Variants in ADAM9 observed in about 807,000 individuals in gnomAD.
ADAM9 encodes the protein ADAM metallopeptidase domain 9.
Under a neutral mutation model 108.1 loss-of-function variants are expected in ADAM9, and 54 were observed. The ratio of observed to expected loss-of-function variants is 0.50; its 90% CI spans 0.40 to 0.63. The LOEUF is 0.63. Ranked by LOEUF, ADAM9 falls within the 20% of genes least tolerant of loss-of-function variation. The pLI is 0.00. For synonymous variants in ADAM9, 316 were observed against 336.0 expected, an observed-to-expected ratio of 0.94 and a Z score of 0.65; for missense variants, 830 against 997.7, an observed-to-expected ratio of 0.83 and a Z score of 2.26.
At chr8:39,090,995 A>G (rs1376128540) in intron 19 of ADAM9, among the ~76,000 whole-genome samples, 2 of 152,222 alleles carry the variant, frequency 1.3e-5, no homozygotes, top group African/African-American at 4.8e-5. Flanking sequence ...GTTAGGGAAC[A>G]TTGGCCTAAT....
intron 12 of ADAM9, among the ~76,000 whole-genome samples, chr8:39,042,712 C>A (rs750797563): frequency 6.6e-6 from 1 of 152,080 alleles, no homozygotes; most frequent in Non-Finnish European, 1.5e-5. Context: ...ACAGTAGGTA[C>A]ATTTATAAAT....
chr8:39,044,171 A>G (rs1837539122), intron 12 of ADAM9, among the ~76,000 whole-genome samples: 1 of 152,192 alleles, frequency 6.6e-6, no homozygotes, highest in Non-Finnish European at 1.5e-5. Context: ...GCCAAGACCA[A>G]TGTCATGAAG....
intron 6 of ADAM9, among the ~76,000 whole-genome samples, chr8:39,018,335 C>T (rs1010615425): frequency 2.0e-5 from 3 of 152,166 alleles, no homozygotes; most frequent in Admixed American, 6.5e-5. Context: ...TATTCTACTT[C>T]GCATGAATTT....
At position 39,091,241 on chromosome 8, in the gene ADAM9, A is replaced by C; in HGVS notation, c.2211-18A>C. ...TGTTTTTATCTTAATTTAGATCAAA[A>C]GTAATTGTATCTTTCAGGTCAGATG... is the stretch of plus-strand genomic sequence containing the variant. On this transcript the variant is annotated intron_variant, in intron 19 of 21. Coordinates refer to ENST00000487273, the MANE Select transcript of ADAM9 (RefSeq NM_003816.3). 6.2e-7 allele frequency: 1 copy of C among 1,608,326 alleles called. No individual in the cohort carries two copies. The highest frequency in any genetic ancestry group is 1.1e-5 in the South Asian group (1 of 90,956).
chr8:39,056,054 A>C (rs1156289120), intron 14 of ADAM9, among the ~76,000 whole-genome samples: 2 of 152,114 alleles, frequency 1.3e-5, no homozygotes, highest in African/African-American at 4.8e-5. Flanking sequence ...AATTGTGCAC[A>C]AGGATCTGCT....
Position 39,082,728 on chromosome 8 carries a change from A to G in ADAM9, c.1962+7A>G. On this transcript the variant is annotated splice_region_variant and intron_variant, in intron 17 of 21. Transcript: ENST00000487273. The stretch of plus-strand genomic sequence containing the variant: ...AAAGTGTCATGGACATGGGGTAGGT[A>G]ATGTTTTCTTTTGGCTTGTTCCTGA... The G allele has an allele frequency of 1.2e-6, 2 of 1,611,306 alleles. No homozygotes were observed. Among genetic ancestry groups the G allele is most frequent in the Non-Finnish European group, 1.7e-6 (2 of 1,177,830 alleles).
At chr8:39,094,864 T>A (rs1189024218) in intron 20 of ADAM9, among the ~76,000 whole-genome samples, 1 of 152,108 alleles carries the variant, frequency 6.6e-6, no homozygotes, top group Non-Finnish European at 1.5e-5. Flanking sequence ...CAACTCTTAG[T>A]TTTATTGATT....
intron 15 of ADAM9, 57 bp downstream of exon 15, chr8:39,071,460 A>ATT: frequency 7.6e-6 from 6 of 786,262 alleles, no homozygotes; most frequent in African/African-American, 2.0e-5. Flanking sequence ...CGTCATCTCT[A>ATT]GTATCTTTTT....
intron 20 of ADAM9, among the ~76,000 whole-genome samples, chr8:39,099,872 TTTG>T (rs1314350416): frequency 6.8e-4 from 69 of 101,976 alleles, no homozygotes; most frequent in African/African-American, 1.4e-3. Context: ...GGGTATCGTG[TTTG>T]TTTTTTTTTT....
intron 20 of ADAM9, among the ~76,000 whole-genome samples, chr8:39,095,909 T>C (rs1275451380): frequency 2.6e-5 from 4 of 152,184 alleles, no homozygotes; most frequent in Non-Finnish European, 5.9e-5. Context: ...TGATGTTACA[T>C]CATTTTGTCT....
At chr8:39,084,333 C>CT (rs78636829) in intron 18 of ADAM9, among the ~76,000 whole-genome samples, 1,718 of 140,110 alleles carry the variant, frequency 0.012, 11 homozygotes, top group Non-Finnish European at 0.017. Context: ...ATGAGGTCAT[C>CT]TTTTTTTTTT....
chr8:39,063,265 C>G (rs976889863), intron 14 of ADAM9, among the ~76,000 whole-genome samples: 1 of 152,136 alleles, frequency 6.6e-6, no homozygotes, highest in Non-Finnish European at 1.5e-5. Context: ...TGACTTGAGT[C>G]TAGTTATAGG....
At chr8:39,003,602 G>T (rs1212322942) in intron 1 of ADAM9, among the ~76,000 whole-genome samples, 1 of 152,062 alleles carries the variant, frequency 6.6e-6, no homozygotes, top group Non-Finnish European at 1.5e-5. Flanking sequence ...AAAAACATGG[G>T]AAGGAGGATT....
At chr8:38,997,527 C>G (rs1835858433) in intron 1 of ADAM9, among the ~76,000 whole-genome samples, 1 of 152,178 alleles carries the variant, frequency 6.6e-6, no homozygotes, top group Non-Finnish European at 1.5e-5. Flanking sequence ...AGGCTGGGCG[C>G]GCCCGCGGGC....
At position 39,045,540 on chromosome 8, in the gene ADAM9, A is replaced by G. The variant is rs144400968; in HGVS notation, c.1302+3423A>G. ...TACATATATATGTGCATATGTGTGTATATATGTGTGTGTGTATATGTGTGT... is the reference window on the plus strand; with the variant it reads ...TACATATATATGTGCATATGTGTGTGTATATGTGTGTGTGTATATGTGTGT... On this transcript the variant is annotated intron_variant, in intron 12 of 21. Transcript: ENST00000487273. Among the ~76,000 whole-genome samples, 86 of 122,908 alleles carry G rather than the reference A, an allele frequency of 7.0e-4. 1 individual carries two copies. In the East Asian group the frequency reaches 0.02, roughly 29 times the overall value. The allele number at this position is 122,908 out of a possible 152,430, so 80.6% of individuals were successfully genotyped here.
intron 20 of ADAM9, among the ~76,000 whole-genome samples, chr8:39,093,854 C>G (rs1389436654): frequency 6.6e-6 from 1 of 152,240 alleles, no homozygotes; most frequent in Non-Finnish European, 1.5e-5. Context: ...ACTGCAACCT[C>G]TTTCTCACAG....
At chr8:39,035,750 G>C (rs1199156501) in intron 11 of ADAM9, among the ~76,000 whole-genome samples, 1 of 152,198 alleles carries the variant, frequency 6.6e-6, no homozygotes, top group Non-Finnish European at 1.5e-5. Context: ...CCGGGAGGCA[G>C]AGCTTGCAGT....
intron 7 of ADAM9, among the ~76,000 whole-genome samples, chr8:39,020,454 A>C (rs1391573661): frequency 6.6e-6 from 1 of 152,190 alleles, no homozygotes; most frequent in Non-Finnish European, 1.5e-5. Flanking sequence ...ATATATTCTG[A>C]TACTAATGCT....
At chr8:39,024,415 C>T (rs1011009989) in intron 9 of ADAM9, among the ~76,000 whole-genome samples, 4 of 152,234 alleles carry the variant, frequency 2.6e-5, no homozygotes, top group Admixed American at 6.5e-5. Flanking sequence ...TGGTCTCCAT[C>T]TGTCCTGTTA....
Sources: allele counts gnomAD v4.1 joint callset (sites outside exome capture counted in the v4.1 genomes callset), GRCh38; gene constraint gnomAD v4.1.1; transcripts MANE v1.5; gene names NCBI Gene and HGNC (gene_info 2026-07-23, HGNC 2026-07-21).